The following SAMMSON variants were observed in gnomAD, a reference collection of about 807,000 sequenced individuals.
The protein encoded by SAMMSON is long intergenic non-protein coding RNA 1212.
chr3:70,174,126 AT>A (rs1419353366), intron 4 of SAMMSON, among the ~76,000 whole-genome samples: 1 of 151,914 alleles, frequency 6.6e-6, no homozygotes, highest in African/African-American at 2.4e-5. Context: ...TTATGAACAG[AT>A]TTTGTTTTTT....
intron 4 of SAMMSON, among the ~76,000 whole-genome samples, chr3:70,162,012 T>A (rs1471696403): frequency 6.6e-6 from 1 of 151,846 alleles, no homozygotes; most frequent in Non-Finnish European, 1.5e-5. Flanking sequence ...ATTTTTGTGA[T>A]ATGTGTCATC....
intron 4 of SAMMSON, among the ~76,000 whole-genome samples, chr3:70,095,724 A>G (rs776887518): frequency 1.3e-5 from 2 of 152,208 alleles, no homozygotes; most frequent in Non-Finnish European, 2.9e-5. Flanking sequence ...AAATATATAG[A>G]AAGAACTTAG....
At chr3:70,133,981 C>T (rs992832077) in intron 4 of SAMMSON, among the ~76,000 whole-genome samples, 1 of 151,510 alleles carries the variant, frequency 6.6e-6, no homozygotes, top group Non-Finnish European at 1.5e-5. Flanking sequence ...CGGTGGCTTA[C>T]GCCTGTAATC....
chr3:70,281,390 C>G (rs1702081613), intron 6 of SAMMSON, among the ~76,000 whole-genome samples: 1 of 152,142 alleles, frequency 6.6e-6, no homozygotes, highest in African/African-American at 2.4e-5. Flanking sequence ...CGATCATAAG[C>G]TTCAGAATTA....
In SAMMSON at chr3:70,125,112, A is replaced by G. The variant is rs888100656; in HGVS notation, n.507+53547A>G. 4.7e-6 allele frequency: 6 copies of G among 1,275,340 alleles called. No individual in the cohort carries two copies. In the African/African-American group the frequency reaches 5.9e-5, roughly 12 times the overall value. The allele number at this position is 1,275,340 out of a possible 1,614,324, so 79.0% of individuals were successfully genotyped here. A position where few individuals can be genotyped will look rare whatever the true frequency, so the allele number is the denominator to read the frequency against. On this transcript the variant is annotated intron_variant and non_coding_transcript_variant, in intron 4 of 9. Coordinates refer to ENST00000642114, the Ensembl canonical transcript of SAMMSON. Reference sequence around the variant, plus strand: ...TTAGGATCTGGTTTTTGTCTAGCAGATCGAGCAAATTGAACCACCATGGGT... The same window carrying G: ...TTAGGATCTGGTTTTTGTCTAGCAGGTCGAGCAAATTGAACCACCATGGGT...
intron 4 of SAMMSON, among the ~76,000 whole-genome samples, chr3:70,248,921 A>G (rs1701733512): frequency 6.6e-6 from 1 of 152,170 alleles, no homozygotes; most frequent in African/African-American, 2.4e-5. Flanking sequence ...TGGGCTAAGA[A>G]GCTTTAAGAC....
intron 3 of SAMMSON, among the ~76,000 whole-genome samples, chr3:70,049,567 T>TAG (rs1486512905): frequency 2.6e-5 from 4 of 152,098 alleles, no homozygotes; most frequent in African/African-American, 9.7e-5. Flanking sequence ...AGACTACAGG[T>TAG]AGAGATCTTG....
chr3:70,104,857 G>C, intron 4 of SAMMSON, among the ~76,000 whole-genome samples: 1 of 152,018 alleles, frequency 6.6e-6, no homozygotes, highest in South Asian at 2.1e-4. Context: ...GAAGTAATCT[G>C]GCAAATTTTA....
intron 4 of SAMMSON, among the ~76,000 whole-genome samples, chr3:70,130,296 C>T (rs910979271): frequency 2.0e-5 from 3 of 152,170 alleles, no homozygotes; most frequent in African/African-American, 4.8e-5. Context: ...GTGATTGTGG[C>T]GACAAGATCA....
At chr3:70,041,293 T>A (rs1430970359) in intron 3 of SAMMSON, among the ~76,000 whole-genome samples, 1 of 152,130 alleles carries the variant, frequency 6.6e-6, no homozygotes, top group Non-Finnish European at 1.5e-5. Flanking sequence ...TGGGAAGTAA[T>A]ATTTTTAAAG....
At chr3:70,012,982 G>A (rs551212581) in intron 2 of SAMMSON, among the ~76,000 whole-genome samples, 1 of 152,250 alleles carries the variant, frequency 6.6e-6, no homozygotes, top group South Asian at 2.1e-4. Flanking sequence ...CTACTATCCA[G>A]TTTGTAGACT....
chr3:70,394,567 C>A (rs958918773), downstream of SAMMSON, among the ~76,000 whole-genome samples: 1 of 152,054 alleles, frequency 6.6e-6, no homozygotes, highest in African/African-American at 2.4e-5. Context: ...CACTGAGCTG[C>A]AGTTTGGGAA....
At chr3:70,163,429 T>A (rs1301078998) in intron 4 of SAMMSON, among the ~76,000 whole-genome samples, 1 of 151,446 alleles carries the variant, frequency 6.6e-6, no homozygotes, top group Non-Finnish European at 1.5e-5. Context: ...TTAAACAATC[T>A]AGTTTAGATT....
At chr3:70,434,051 T>G (rs185509844) in intron 2 of SAMMSON, among the ~76,000 whole-genome samples, 9 of 152,346 alleles carry the variant, frequency 5.9e-5, no homozygotes, top group Non-Finnish European at 1.0e-4. Context: ...CGTAGCTTTA[T>G]AAGCAATTCT....
chr3:70,307,758 G>T (rs1009668040), intron 7 of SAMMSON, among the ~76,000 whole-genome samples: 1 of 152,086 alleles, frequency 6.6e-6, no homozygotes, highest in African/African-American at 2.4e-5. Context: ...CTGTTTCTTA[G>T]TTCTTGTCCT....
At chr3:70,118,441 T>G (rs1424217274) in intron 4 of SAMMSON, among the ~76,000 whole-genome samples, 1 of 152,188 alleles carries the variant, frequency 6.6e-6, no homozygotes, top group African/African-American at 2.4e-5. Flanking sequence ...CCTTTTATTT[T>G]GCACCCAAAA....
chr3:70,092,761 G>A (rs896444401), intron 4 of SAMMSON, among the ~76,000 whole-genome samples: 9 of 151,980 alleles, frequency 5.9e-5, no homozygotes, highest in African/African-American at 1.2e-4. Context: ...TTATCCTGTC[G>A]TAAATGCAAA....
chr3:70,109,755 G>A (rs566543061), intron 4 of SAMMSON, among the ~76,000 whole-genome samples: 1 of 152,280 alleles, frequency 6.6e-6, no homozygotes, highest in South Asian at 2.1e-4. Flanking sequence ...CAAAATCAGT[G>A]CTCTTATCTT....
intron 7 of SAMMSON, among the ~76,000 whole-genome samples, chr3:70,303,199 G>A (rs2106703286): frequency 6.6e-6 from 1 of 152,212 alleles, no homozygotes; most frequent in East Asian, 1.9e-4. Flanking sequence ...TAGACATTAT[G>A]TTGGGGCCAC....
Sources: gnomAD v4.1 joint callset for allele counts (sites outside exome capture counted in the v4.1 genomes callset) on GRCh38, gnomAD v4.1.1 for gene constraint, MANE v1.5 for transcripts, NCBI Gene and HGNC (gene_info 2026-07-23, HGNC 2026-07-21) for gene names.